The following GYS2 variants were observed in gnomAD, a reference collection of about 807,000 sequenced individuals.
GYS2 encodes glycogen synthase 2, also known as glycogen [starch] synthase, liver.
In GYS2, 80 loss-of-function variants were observed where a neutral mutation model predicts 85.6. That is an observed-to-expected ratio of 0.93 (90% confidence interval 0.78 to 1.13). The LOEUF (loss-of-function observed/expected upper bound fraction) is 1.13, where lower values mean the gene tolerates loss of function less well. Ranked by LOEUF, GYS2 falls within the 50% of genes most tolerant of loss-of-function variation. GYS2 has a pLI of 0.00. For synonymous variants in GYS2, 328 were observed against 300.7 expected (o/e 1.09, Z -0.94); for missense variants, 881 against 854.9 (o/e 1.03, Z -0.38).
intron 12 of GYS2, among the ~76,000 whole-genome samples, chr12:21,543,744 C>T (rs1308660746): frequency 6.6e-6 from 1 of 152,130 alleles, no homozygotes; most frequent in Non-Finnish European, 1.5e-5. Context: ...TCCCTCACCT[C>T]GCCCCACAAC....
chr12:21,582,588 T>G (rs1037555760), intron 1 of GYS2, among the ~76,000 whole-genome samples: 4 of 131,106 alleles, frequency 3.1e-5, no homozygotes, highest in African/African-American at 6.3e-5. Context: ...TAGAGATAGA[T>G]ATAGAGATAG....
At chr12:21,576,250 C>T (rs1437624558) in intron 2 of GYS2, among the ~76,000 whole-genome samples, 193 bp from the exon 3 acceptor site, 1 of 152,184 alleles carries the variant, frequency 6.6e-6, no homozygotes, top group Admixed American at 6.5e-5. Context: ...ATCCATTCAT[C>T]TAGAACCTCC....
chr12:21,569,030 A>G lies in GYS2; in HGVS notation c.679-21T>C, dbSNP rs376054273. Reference sequence around the variant, plus strand: ...TTAAACTGTTAGAAACAAAAATAAAACACACATTTGCTAACAATGGCCCTT... The same window carrying G: ...TTAAACTGTTAGAAACAAAAATAAAGCACACATTTGCTAACAATGGCCCTT... On this transcript the variant is annotated intron_variant, in intron 4 of 15. Transcript: ENST00000261195. 2.7e-5 allele frequency: 44 copies of G among 1,613,626 alleles called. No individual in the cohort carries two copies. The African/African-American group carries it at 3.3e-4, about 12-fold the overall frequency.
chr12:21,593,058 G>A (rs1258564102), intron 1 of GYS2, among the ~76,000 whole-genome samples: 1 of 151,620 alleles, frequency 6.6e-6, no homozygotes, highest in African/African-American at 2.4e-5. Context: ...AAATTAAGAA[G>A]GAAATCAAAA....
At chr12:21,585,264 A>G (rs998846235) in intron 1 of GYS2, among the ~76,000 whole-genome samples, 1 of 152,118 alleles carries the variant, frequency 6.6e-6, no homozygotes, top group African/African-American at 2.4e-5. Flanking sequence ...TGACACAATA[A>G]TGATTCCATT....
At chr12:21,538,128 A>T (rs1943931525) in intron 15 of GYS2, among the ~76,000 whole-genome samples, 1 of 152,224 alleles carries the variant, frequency 6.6e-6, no homozygotes, top group South Asian at 2.1e-4. Flanking sequence ...ATATTGCTGA[A>T]TTATCATTAA....
intron 11 of GYS2, among the ~76,000 whole-genome samples, chr12:21,550,996 CTTTTCTT>C (rs1944102229): frequency 1.1e-5 from 1 of 89,338 alleles, no homozygotes; most frequent in Non-Finnish European, 2.3e-5. Flanking sequence ...GCACTCTACA[CTTTTCTT>C]TTTTTTTTAA....
At chr12:21,597,555 C>A (rs1296376507) in intron 1 of GYS2, among the ~76,000 whole-genome samples, 2 of 151,978 alleles carry the variant, frequency 1.3e-5, no homozygotes, top group African/African-American at 4.8e-5. Flanking sequence ...ATAACACATG[C>A]TGGCAAGGAT....
At chr12:21,583,642 C>A (rs113742755) in intron 1 of GYS2, among the ~76,000 whole-genome samples, 3,896 of 152,294 alleles carry the variant, frequency 0.026, 78 homozygotes, top group Middle Eastern at 0.054. Flanking sequence ...TGGAGCAAGG[C>A]CCTGCCATCT....
At chr12:21,588,618 A>C (rs1161349898) in intron 1 of GYS2, among the ~76,000 whole-genome samples, 1 of 152,246 alleles carries the variant, frequency 6.6e-6, no homozygotes, top group Non-Finnish European at 1.5e-5. Context: ...CATTGAGCAG[A>C]GTCTGATAAT....
intron 1 of GYS2, among the ~76,000 whole-genome samples, chr12:21,590,162 G>A (rs1021102192): frequency 2.6e-5 from 4 of 151,996 alleles, no homozygotes; most frequent in African/African-American, 4.8e-5. Flanking sequence ...AACACACCCC[G>A]CACCCCTTCA....
chr12:21,596,727 A>G (rs1379165258), intron 1 of GYS2, among the ~76,000 whole-genome samples: 1 of 152,198 alleles, frequency 6.6e-6, no homozygotes, highest in Non-Finnish European at 1.5e-5. Context: ...CCTCTTCAAC[A>G]TAGTACTGGA....
chr12:21,571,289 A>G (rs1002646785), intron 4 of GYS2, among the ~76,000 whole-genome samples: 2 of 152,210 alleles, frequency 1.3e-5, no homozygotes, highest in Admixed American at 1.3e-4. Context: ...TTATCCGTTT[A>G]CACATGTTGT....
At chr12:21,592,161 AAGAGAG>A (rs537516474) in intron 1 of GYS2, among the ~76,000 whole-genome samples, 1 of 150,434 alleles carries the variant, frequency 6.6e-6, no homozygotes, top group Non-Finnish European at 1.5e-5. Context: ...GAAAGAAAGA[AAGAGAG>A]AGAGAGAGAG....
chr12:21,575,822 A>T (rs1944438313), intron 3 of GYS2, 44 bp downstream of exon 3: 1 of 1,424,082 alleles, frequency 7.0e-7, no homozygotes, highest in African/African-American at 1.4e-5. Flanking sequence ...CACTGAAAGC[A>T]GTTGTGCTGC....
Position 21,536,807 on chromosome 12 carries a change from T to C in GYS2, c.*147A>G. ...TTATCCTAAATTACAAAATTGTCAT[T>C]CACTCAATTTCTTCCACTTTTTAGG... is the stretch of plus-strand genomic sequence containing the variant. On this transcript the variant is annotated 3_prime_UTR_variant, in exon 16 of 16. Transcript: ENST00000261195. 1.5e-6 allele frequency: 1 copy of C among 652,634 alleles called. No individual in the cohort carries two copies. The highest frequency in any genetic ancestry group is 2.7e-6 in the Non-Finnish European group (1 of 370,516). 40.4% of individuals were successfully genotyped at this position (652,634 alleles called of 1,614,324 possible).
At chr12:21,574,986 T>C (rs1393450624) in intron 3 of GYS2, among the ~76,000 whole-genome samples, 1 of 152,126 alleles carries the variant, frequency 6.6e-6, no homozygotes, top group East Asian at 1.9e-4. Context: ...TTTCAATGAC[T>C]TGAAAACTCT....
rs1040619576 is a variant in GYS2 at position 21,560,333 on chromosome 12, A to C, written c.1169+53T>G. The stretch of plus-strand genomic sequence containing the variant: ...GATACATGAGATGTCATTCACTTAA[A>C]AGAAATCTTTTCACATTTATTGCTA... On this transcript the variant is annotated intron_variant, in intron 8 of 15. Coordinates refer to ENST00000261195, the MANE Select transcript of GYS2 (RefSeq NM_021957.4). The C allele has an allele frequency of 4.0e-6, 4 of 994,340 alleles. No homozygotes were observed. The African/African-American group carries it at 6.3e-5, about 16-fold the overall frequency. The allele number at this position is 994,340 out of a possible 1,614,324, so 61.6% of individuals were successfully genotyped here.
At position 21,604,657 on chromosome 12, in the gene GYS2, G is replaced by C. The variant is rs1944787678; in HGVS notation, c.-65C>G. 1.2e-6 allele frequency: 2 copies of C among 1,606,672 alleles called. No homozygotes were observed. Among genetic ancestry groups the C allele is most frequent in the Non-Finnish European group, 1.7e-6 (2 of 1,175,334 alleles). ...TCAATTAGTTGTAATCCCAGGAGAA[G>C]AGAACTTACAGGCACAAAAGTTAGA... On this transcript the variant is annotated 5_prime_UTR_variant, in exon 1 of 16. Transcript: ENST00000261195.
Sources: gnomAD v4.1 joint callset for allele counts (sites outside exome capture counted in the v4.1 genomes callset) on GRCh38, gnomAD v4.1.1 for gene constraint, MANE v1.5 for transcripts, NCBI Gene and HGNC (gene_info 2026-07-23, HGNC 2026-07-21) for gene names.